DYNC2I2: variants seen among roughly 807,000 people sequenced by gnomAD.
The protein encoded by DYNC2I2 is dynein 2 intermediate chain 2.
In DYNC2I2, 39 loss-of-function variants were observed where a neutral mutation model predicts 52.0. The observed-to-expected ratio is 0.75, with a 90% CI of 0.58 to 0.98. The LOEUF (loss-of-function observed/expected upper bound fraction) is 0.98, where lower values mean the gene tolerates loss of function less well. DYNC2I2 is among the 50% of genes least tolerant of loss of function. DYNC2I2 has a pLI of 0.00. For synonymous variants in DYNC2I2, 359 were observed against 321.1 expected (o/e 1.12, Z -1.26); for missense variants, 743 against 728.4 (o/e 1.02, Z -0.23).
chr9:128,659,720 C>T (rs1860896492), upstream of DYNC2I2, among the ~76,000 whole-genome samples: 2 of 151,766 alleles, frequency 1.3e-5, 1 homozygote, highest in South Asian at 4.2e-4. Flanking sequence ...ACCAGCCTGA[C>T]CAACATGGTG....
chr9:128,648,724 TG>T (rs1860667106), intron 1 of DYNC2I2, among the ~76,000 whole-genome samples: 2 of 147,846 alleles, frequency 1.4e-5, no homozygotes, highest in Non-Finnish European at 3.0e-5. Context: ...TGCTTGAACC[TG>T]GGAGGTATAG....
chr9:128,657,664 T>A (rs1860858593), upstream of DYNC2I2, among the ~76,000 whole-genome samples: 1 of 151,974 alleles, frequency 6.6e-6, no homozygotes, highest in African/African-American at 2.4e-5. Context: ...AAAACTTAGC[T>A]GGGCATGGTG....
intron 1 of DYNC2I2, among the ~76,000 whole-genome samples, chr9:128,641,241 C>T (rs1451953489): frequency 2.6e-5 from 4 of 152,068 alleles, no homozygotes; most frequent in South Asian, 2.1e-4. Flanking sequence ...TGCAACAATT[C>T]GGAGGAGTCA....
intron 1 of DYNC2I2, among the ~76,000 whole-genome samples, chr9:128,650,528 T>TATATATATATATATATATATATA (rs1564344449): frequency 7.6e-5 from 2 of 26,146 alleles, no homozygotes; most frequent in African/African-American, 1.6e-4. Context: ...CCAAAGACCA[T>TATATATATATATATATATATATA]ATATATATAT....
chr9:128,675,807 G>T, the DYNC2I2 span, among the ~76,000 whole-genome samples: 3 of 152,138 alleles, frequency 2.0e-5, no homozygotes, highest in Middle Eastern at 3.2e-3. Flanking sequence ...CTGCCCTGTA[G>T]CTCCATTCTA....
intron 1 of DYNC2I2, among the ~76,000 whole-genome samples, chr9:128,649,295 T>C (rs541812484): frequency 4.6e-5 from 7 of 152,068 alleles, no homozygotes; most frequent in Admixed American, 2.6e-4. Context: ...ATTTTCCAAA[T>C]TAGCCAGGCG....
At chr9:128,679,295 G>A in the DYNC2I2 span, among the ~76,000 whole-genome samples, 1 of 151,994 alleles carries the variant, frequency 6.6e-6, no homozygotes, top group Non-Finnish European at 1.5e-5. Context: ...CTTTCAAAAT[G>A]CATTAGAAGG....
Position 128,636,948 on chromosome 9 carries a change from G to A in DYNC2I2, c.515C>T (p.Thr172Ile). 1 of 1,613,192 alleles carries A rather than the reference G, an allele frequency of 6.2e-7. No homozygotes were observed. The highest frequency in any genetic ancestry group is 8.5e-7 in the Non-Finnish European group (1 of 1,179,982). Residue 172 changes from threonine (T) to isoleucine (I), a missense_variant, in exon 3 of 9, where the codon ACT becomes ATT. Coordinates refer to ENST00000372715, the MANE Select transcript of DYNC2I2 (RefSeq NM_052844.4). ...GTAGGCACAGGCCACCACAGAGCCA[G>A]TGGAGTTCCAGGAGATGCTGGTCAC... ...LHVTSISWNS[T>I]GSVVACAYGR...
In DYNC2I2 at chr9:128,649,023, A is replaced by C. The variant is rs150627423; in HGVS notation, c.186+7518T>G. Among the ~76,000 whole-genome samples the C allele has an allele frequency of 5.8e-3, 889 of 152,286 alleles. 5 individuals carry two copies. Among genetic ancestry groups the C allele is most frequent in the African/African-American group, 0.02 (835 of 41,558 alleles). On this transcript the variant is annotated intron_variant, in intron 1 of 8. Coordinates refer to ENST00000372715, the MANE Select transcript of DYNC2I2 (RefSeq NM_052844.4). ...TACAGGAGACTCACCCCTGCCCTCA[A>C]GGAGCTAAATCACGGGAGACAGACC...
At chr9:128,661,577 C>T (rs548725300), upstream of DYNC2I2, among the ~76,000 whole-genome samples, 13 of 152,150 alleles carry the variant, frequency 8.5e-5, no homozygotes, top group African/African-American at 2.4e-4. Flanking sequence ...GAGATTGAGC[C>T]GTTGCACTCC....
intron 1 of DYNC2I2, among the ~76,000 whole-genome samples, chr9:128,655,936 G>A (rs575463225): frequency 7.1e-6 from 1 of 140,724 alleles, no homozygotes; most frequent in Non-Finnish European, 1.5e-5. Flanking sequence ...GCCTGAACGC[G>A]GTGGCTCACA....
At chr9:128,681,790 T>C in the DYNC2I2 span, among the ~76,000 whole-genome samples, 1 of 152,154 alleles carries the variant, frequency 6.6e-6, no homozygotes, top group Non-Finnish European at 1.5e-5. Context: ...AAAATTCTTC[T>C]AGGTTGGGTG....
chr9:128,656,267 G>A (rs1408423580), intron 1 of DYNC2I2, among the ~76,000 whole-genome samples: 4 of 152,016 alleles, frequency 2.6e-5, no homozygotes, highest in African/African-American at 9.7e-5. Context: ...AAAAACTACA[G>A]TTCACACAAA....
intron 1 of DYNC2I2, 73 bp downstream of exon 1, chr9:128,656,468 G>A (rs1860826410): frequency 8.6e-7 from 1 of 1,158,814 alleles, no homozygotes; most frequent in Non-Finnish European, 1.1e-6. Context: ...TGGGACGCCC[G>A]AACCCGCCCG....
At chr9:128,682,916 T>TC in the DYNC2I2 span, among the ~76,000 whole-genome samples, 4 of 151,030 alleles carry the variant, frequency 2.6e-5, no homozygotes, top group Admixed American at 6.6e-5. Context: ...GACCTCGTGA[T>TC]CCGCCTGCCT....
rs1860499374 is a variant in DYNC2I2, at chr9:128,640,786, T to C, written c.340A>G (p.Arg114Gly). 6.2e-7 allele frequency: 1 copy of C among 1,614,004 alleles called. No individual in the cohort carries two copies. Among genetic ancestry groups the C allele is most frequent in the South Asian group, 1.1e-5 (1 of 91,088 alleles). ...TCTCGGATGACCATGGCCTCCACTC[T>C]CCGAAGAAAGGCTGCGAGCCTGGGT... Reference protein sequence around the residue: ...DIPRLAAFLRRVEAMVIRELN... With the variant: ...DIPRLAAFLRGVEAMVIRELN... The change falls in exon 2 of 9, where the codon AGA becomes GGA. Residue 114 changes from arginine to glycine, a missense_variant. Arg to Gly is a moderately radical substitution (Grantham distance 125). Transcript: ENST00000372715.
In DYNC2I2 at chr9:128,636,548, C is replaced by T. The variant is rs1216329483; in HGVS notation, c.546-110G>A. ...CACACTCGCTGTGTCCTTGTCACCA[C>T]CAGACACTACTCTGGGTATTGAAGT... On this transcript the variant is annotated intron_variant, in intron 3 of 8. Coordinates refer to ENST00000372715, the MANE Select transcript of DYNC2I2 (RefSeq NM_052844.4). 4.8e-6 allele frequency: 6 copies of T among 1,249,264 alleles called. No homozygotes were observed. The African/African-American group carries it at 7.4e-5, about 15-fold the overall frequency. The allele number at this position is 1,249,264 out of a possible 1,614,324, so 77.4% of individuals were successfully genotyped here. A position where few individuals can be genotyped will look rare whatever the true frequency, so the allele number is the denominator to read the frequency against.
chr9:128,635,352 A>T, intron 5 of DYNC2I2, 93 bp from the exon 6 acceptor site: 1 of 1,444,252 alleles, frequency 6.9e-7, no homozygotes, highest in Non-Finnish European at 9.2e-7. Flanking sequence ...TCCAGGAAAA[A>T]AAAAAATTCT....
chr9:128,657,130 G>T (rs1860847679), upstream of DYNC2I2, among the ~76,000 whole-genome samples: 1 of 152,204 alleles, frequency 6.6e-6, no homozygotes, highest in Admixed American at 6.5e-5. Flanking sequence ...TCTTCCAGCA[G>T]ATCCGAGAAC....
Sources: allele counts gnomAD v4.1 joint callset (sites outside exome capture counted in the v4.1 genomes callset), GRCh38; gene constraint gnomAD v4.1.1; transcripts MANE v1.5; gene names NCBI Gene and HGNC (gene_info 2026-07-23, HGNC 2026-07-21).